The following KIAA0319L variants were observed in gnomAD, a reference collection of about 807,000 sequenced individuals.
The protein encoded by KIAA0319L is KIAA0319 like.
KIAA0319L carries 55 observed loss-of-function variants against 120.1 expected under a neutral mutation model. That is an observed-to-expected ratio of 0.46 (90% CI 0.37 to 0.57). The LOEUF (loss-of-function observed/expected upper bound fraction) is 0.57. KIAA0319L is among the 20% of genes least tolerant of loss of function. The probability of loss-of-function intolerance (pLI) is 0.00; values close to 1 mark genes in which losing one functional copy is unlikely to be tolerated. For missense variants in KIAA0319L, 1,049 were observed against 1,255.3 expected, an observed-to-expected ratio of 0.84 and a Z score of 2.48; for synonymous variants, 398 against 471.9, an observed-to-expected ratio of 0.84 and a Z score of 2.03.
chr1:35,454,256 T>C, intron 11 of KIAA0319L, 106 bp downstream of exon 11: 1 of 1,171,738 alleles, frequency 8.5e-7, no homozygotes, highest in South Asian at 1.4e-5. Context: ...TATGGATCGG[T>C]GCCTTCTGCT....
intron 6 of KIAA0319L, among the ~76,000 whole-genome samples, chr1:35,466,947 C>G (rs1053242240): frequency 3.9e-5 from 6 of 152,050 alleles, no homozygotes; most frequent in Non-Finnish European, 8.8e-5. Flanking sequence ...CAAAAATTAG[C>G]CAGGTGTGGT....
intron 3 of KIAA0319L, among the ~76,000 whole-genome samples, chr1:35,487,684 C>T (rs1162808694): frequency 3.3e-5 from 5 of 152,322 alleles, no homozygotes; most frequent in East Asian, 1.9e-4. Flanking sequence ...CTTAAGATTA[C>T]GTCCACTGAC....
At chr1:35,535,096 TA>T (rs56965473) in intron 2 of KIAA0319L, among the ~76,000 whole-genome samples, 1,312 of 56,260 alleles carry the variant, frequency 0.023, 10 homozygotes, top group African/African-American at 0.042. Flanking sequence ...GACTCCGTCT[TA>T]AAAAAAAAAA....
chr1:35,442,450 G>T, intron 18 of KIAA0319L, 114 bp from the exon 19 acceptor site: 1 of 795,836 alleles, frequency 1.3e-6, no homozygotes, highest in Non-Finnish European at 2.2e-6. Flanking sequence ...AATGCCTCAG[G>T]CTCCCCAGGA....
intron 2 of KIAA0319L, among the ~76,000 whole-genome samples, chr1:35,537,704 C>T (rs1042121329): frequency 6.6e-6 from 1 of 150,470 alleles, no homozygotes; most frequent in Non-Finnish European, 1.5e-5. Flanking sequence ...TTAAATATCT[C>T]GAACCACTTT....
intron 19 of KIAA0319L, among the ~76,000 whole-genome samples, chr1:35,441,575 T>C (rs1641220789): frequency 1.3e-5 from 2 of 152,180 alleles, no homozygotes; most frequent in Admixed American, 1.3e-4. Flanking sequence ...TCTGTCACTA[T>C]CAACTGGTCC....
intron 3 of KIAA0319L, among the ~76,000 whole-genome samples, chr1:35,486,200 T>C (rs973177652): frequency 2.6e-5 from 4 of 151,846 alleles, no homozygotes; most frequent in African/African-American, 4.8e-5. Context: ...CTAGGCAACA[T>C]AGTGAGACCC....
At chr1:35,517,199 G>GA (rs1485922370) in intron 2 of KIAA0319L, among the ~76,000 whole-genome samples, 1 of 151,620 alleles carries the variant, frequency 6.6e-6, no homozygotes, top group South Asian at 2.1e-4. Context: ...CACAGAACTA[G>GA]AAAAAAAACT....
intron 12 of KIAA0319L, among the ~76,000 whole-genome samples, chr1:35,452,453 A>G (rs1570647158): frequency 1.3e-5 from 2 of 152,200 alleles, no homozygotes; most frequent in African/African-American, 4.8e-5. Context: ...AAGGATCAAA[A>G]TGCCCCAGAG....
At chr1:35,504,074 C>T (rs142777725) in intron 3 of KIAA0319L, among the ~76,000 whole-genome samples, 5 of 151,534 alleles carry the variant, frequency 3.3e-5, no homozygotes, top group Non-Finnish European at 5.9e-5. Flanking sequence ...TTAGTAGAGG[C>T]GGGGTTTCAC....
At chr1:35,464,733 G>A (rs1223386209) in intron 7 of KIAA0319L, among the ~76,000 whole-genome samples, 3 of 152,196 alleles carry the variant, frequency 2.0e-5, no homozygotes, top group African/African-American at 7.2e-5. Flanking sequence ...ACAGGGGCTG[G>A]AGGCCTGGAG....
rs1189085625 is a variant in KIAA0319L at position 35,513,267 on chromosome 1, C to CATAT, written c.143-6136_143-6133dup. On this transcript the variant is annotated intron_variant, in intron 2 of 20. Coordinates refer to ENST00000325722, the MANE Select transcript of KIAA0319L (RefSeq NM_024874.5). ...ATATATATAAATCATATCTATATAACATATATATATATATATATATATTTT... is the reference window on the plus strand; with the variant it reads ...ATATATATAAATCATATCTATATAACATATATATATATATATATATATATATTTT... Among the ~76,000 whole-genome samples, 211 of 107,376 alleles carry CATAT rather than the reference C, an allele frequency of 2.0e-3. 2 individuals are homozygous for CATAT. Among genetic ancestry groups the CATAT allele is most frequent in the Admixed American group, 6.0e-3 (49 of 8,130 alleles). 70.4% of individuals were successfully genotyped at this position (107,376 alleles called of 152,430 possible). A position where few individuals can be genotyped will look rare whatever the true frequency, so the allele number is the denominator to read the frequency against.
At chr1:35,543,880 G>A (rs1433997497) in intron 2 of KIAA0319L, among the ~76,000 whole-genome samples, 1 of 152,192 alleles carries the variant, frequency 6.6e-6, no homozygotes, top group Non-Finnish European at 1.5e-5. Flanking sequence ...GCAGTTAGGT[G>A]CAGATGAAGA....
intron 2 of KIAA0319L, among the ~76,000 whole-genome samples, chr1:35,517,045 G>GA (rs1430656248): frequency 2.0e-5 from 3 of 151,878 alleles, no homozygotes; most frequent in East Asian, 1.9e-4. Flanking sequence ...AAACACTGCT[G>GA]AAAAAAATCA....
chr1:35,533,761 A>T (rs1646463550), intron 2 of KIAA0319L, among the ~76,000 whole-genome samples: 1 of 152,232 alleles, frequency 6.6e-6, no homozygotes, highest in Non-Finnish European at 1.5e-5. Context: ...TGAAAATGAG[A>T]TAAGCAGGCA....
At chr1:35,441,242 C>A (rs1249433912) in intron 19 of KIAA0319L, 104 bp from the exon 20 acceptor site, 5 of 905,084 alleles carry the variant, frequency 5.5e-6, no homozygotes, top group Non-Finnish European at 9.0e-6. Flanking sequence ...GGGGCACCTA[C>A]TGAGAGGGGT....
In KIAA0319L at chr1:35,434,566, TGACACTGTCCACTG is replaced by T. The variant is rs1314337888; in HGVS notation, c.*314_*327del. The T allele has an allele frequency of 6.9e-6, 2 of 290,862 alleles. No individual in the cohort carries two copies. The highest frequency in any genetic ancestry group is 4.4e-5 in the African/African-American group (2 of 45,326). The allele number at this position is 290,862 out of a possible 1,614,324, so 18.0% of individuals were successfully genotyped here. ...TCACCTTGCAGCACTCTGGGCACAA[TGACACTGTCCACTG>T]GGGAGCTGCAGAGCTTAGCAGCTGG... On this transcript the variant is annotated 3_prime_UTR_variant, in exon 21 of 21. Transcript: ENST00000325722.
intron 3 of KIAA0319L, among the ~76,000 whole-genome samples, chr1:35,487,908 C>T (rs1045652658): frequency 2.0e-5 from 3 of 152,166 alleles, no homozygotes; most frequent in African/African-American, 4.8e-5. Context: ...AGAGGTACAT[C>T]CAGGGATTTT....
intron 7 of KIAA0319L, 126 bp from the exon 8 acceptor site, chr1:35,462,839 G>A (rs1642991198): frequency 1.3e-6 from 1 of 743,674 alleles, no homozygotes; most frequent in Non-Finnish European, 2.2e-6. Flanking sequence ...TTGGCACCAG[G>A]GACCAGTTTT....
Sources: allele counts gnomAD v4.1 joint callset (sites outside exome capture counted in the v4.1 genomes callset), GRCh38; gene constraint gnomAD v4.1.1; transcripts MANE v1.5; gene names NCBI Gene and HGNC (gene_info 2026-07-23, HGNC 2026-07-21).